NR3C1: variants seen among roughly 807,000 people sequenced by gnomAD.
NR3C1 encodes the protein nuclear receptor subfamily 3 group C member 1, also known as glucocorticoid receptor.
NR3C1 carries 14 observed loss-of-function variants against 74.0 expected under a neutral mutation model. That is an observed-to-expected ratio of 0.19 (90% CI 0.12 to 0.30). The LOEUF is 0.30. Ranked by LOEUF, NR3C1 falls within the 10% of genes least tolerant of loss-of-function variation. The pLI, the probability that NR3C1 is intolerant of heterozygous loss-of-function variation, is 1.00. For synonymous variants in NR3C1, 308 were observed against 332.5 expected (o/e 0.93, Z 0.80); for missense variants, 695 against 909.8 (o/e 0.76, Z 3.04).
At chr5:143,411,568 G>A (rs4912908) in intron 1 of NR3C1, among the ~76,000 whole-genome samples, 124,303 of 152,142 alleles carry the variant, frequency 0.82, 50,906 homozygotes, top group African/African-American at 0.88. Context: ...TTTGCCAAAC[G>A]TGTTTGAATT....
chr5:143,403,140 A>C (rs1840666786), intron 1 of NR3C1, 71 bp downstream of exon 1: 14 of 964,894 alleles, frequency 1.5e-5, no homozygotes, highest in South Asian at 1.4e-4. Context: ...GCGGCCCCCG[A>C]GTTGTCTCCG....
At chr5:143,404,284 G>T, upstream of NR3C1, 3 of 985,592 alleles carry the variant, frequency 3.0e-6, no homozygotes, top group Non-Finnish European at 3.6e-6. Flanking sequence ...GTGCCGCAGC[G>T]TCTCGGCCGC....
chr5:143,413,133 C>T lies in NR3C1; in HGVS notation c.-13-12281G>A, dbSNP rs1309538050. ...TCTCTGGAGGAAATGGAGACAGATA[C>T]GGTTACAAGTCATTATAGAACAATG... On this transcript the variant is annotated intron_variant, in intron 1 of 8. Transcript: ENST00000343796. Among the ~76,000 whole-genome samples the T allele has an allele frequency of 4.6e-5, 7 of 152,100 alleles. No individual in the cohort carries two copies. In the South Asian group the frequency reaches 8.3e-4, roughly 18 times the overall value.
intron 2 of NR3C1, among the ~76,000 whole-genome samples, chr5:143,374,230 C>T (rs1245519376): frequency 2.0e-5 from 3 of 152,122 alleles, no homozygotes; most frequent in Middle Eastern, 3.2e-3. Context: ...TGGTGGCTCA[C>T]GCCTGTAATC....
chr5:143,295,299 C>T (rs752979538), intron 7 of NR3C1, 161 bp downstream of exon 7: 31 of 985,126 alleles, frequency 3.1e-5, no homozygotes, highest in Non-Finnish European at 3.7e-5. Flanking sequence ...GTGTCACTTA[C>T]TGTGCCTTTC....
In NR3C1 at chr5:143,402,914, G is replaced by C. The variant is rs1030025700; in HGVS notation, c.-14+297C>G. On this transcript the variant is annotated intron_variant, in intron 1 of 8. Coordinates refer to ENST00000394464, the MANE Select transcript of NR3C1 (RefSeq NM_000176.3). ...GAAAAGAGGCCAGGATTCCCGCGAG[G>C]AATGAGAGGCTCGAAGCCCCCGGCA... 3.3e-4 allele frequency: 298 copies of C among 894,806 alleles called. 2 individuals carry two copies. The highest frequency in any genetic ancestry group is 2.2e-3 in the Middle Eastern group (4 of 1,782). The allele number at this position is 894,806 out of a possible 1,614,324, so 55.4% of individuals were successfully genotyped here.
At chr5:143,403,889 TCCCC>T, upstream of NR3C1, 1 of 977,616 alleles carries the variant, frequency 1.0e-6, no homozygotes, top group Non-Finnish European at 1.2e-6. Flanking sequence ...CACGCCCGCG[TCCCC>T]TGGCGTGGCC....
chr5:143,365,460 A>G (rs1412807531), intron 2 of NR3C1, among the ~76,000 whole-genome samples: 2 of 152,246 alleles, frequency 1.3e-5, no homozygotes, highest in African/African-American at 4.8e-5. Context: ...GAATCAATCT[A>G]TCAAGAAGAT....
chr5:143,365,360 A>G (rs1285903324), intron 2 of NR3C1, among the ~76,000 whole-genome samples: 2 of 152,208 alleles, frequency 1.3e-5, no homozygotes, highest in African/African-American at 2.4e-5. Context: ...TGCAAACAGT[A>G]AACAAAAGAA....
intron 2 of NR3C1, among the ~76,000 whole-genome samples, chr5:143,326,767 C>G (rs1265272981): frequency 2.0e-5 from 3 of 152,066 alleles, no homozygotes; most frequent in Admixed American, 2.0e-4. Context: ...GTAAAATGAA[C>G]TTAATATTAT....
chr5:143,349,377 C>G (rs1192635027), intron 2 of NR3C1, among the ~76,000 whole-genome samples: 1 of 152,112 alleles, frequency 6.6e-6, no homozygotes, highest in Non-Finnish European at 1.5e-5. Flanking sequence ...ATGAGTGGAA[C>G]AGGCTCATAT....
chr5:143,295,019 G>A, intron 7 of NR3C1: 1 of 985,346 alleles, frequency 1.0e-6, no homozygotes, highest in East Asian at 1.1e-4. Flanking sequence ...ATCCCCAATA[G>A]TAATTAAGCA....
intron 2 of NR3C1, among the ~76,000 whole-genome samples, chr5:143,339,884 C>T (rs969177991): frequency 3.3e-5 from 5 of 152,162 alleles, no homozygotes; most frequent in African/African-American, 1.2e-4. Flanking sequence ...ATTAACAGAA[C>T]TTCATGGACC....
chr5:143,346,441 T>C (rs903890825), intron 2 of NR3C1, among the ~76,000 whole-genome samples: 1 of 152,234 alleles, frequency 6.6e-6, no homozygotes, highest in Admixed American at 6.5e-5. Context: ...TTTAACAAAG[T>C]CAGTATCAGT....
At chr5:143,404,042 C>T (rs562481368), upstream of NR3C1, 13 of 985,582 alleles carry the variant, frequency 1.3e-5, no homozygotes, top group East Asian at 1.3e-3. Flanking sequence ...TTTCTTTTCT[C>T]GCTACCTCCT....
At chr5:143,332,120 A>C (rs1480590045) in intron 2 of NR3C1, among the ~76,000 whole-genome samples, 1 of 152,206 alleles carries the variant, frequency 6.6e-6, no homozygotes, top group Non-Finnish European at 1.5e-5. Context: ...TTTGTAGCAT[A>C]AATAGCTGAC....
chr5:143,387,343 A>C (rs1330182028), intron 2 of NR3C1, among the ~76,000 whole-genome samples: 1 of 152,168 alleles, frequency 6.6e-6, no homozygotes. Context: ...AGATTTCCCT[A>C]ATTTATCTGG....
At position 143,279,323 on chromosome 5, in the gene NR3C1, T is replaced by G; in HGVS notation, c.*2566A>C. The G allele has an allele frequency of 6.5e-7, 1 of 1,538,828 alleles. No individual in the cohort carries two copies. Among genetic ancestry groups the G allele is most frequent in the African/African-American group, 1.4e-5 (1 of 72,378 alleles). On this transcript the variant is annotated 3_prime_UTR_variant, in exon 9 of 9. Transcript: ENST00000394464. ...GTGCACATAATCTTCTTTTTCTCAT[T>G]GAGTTCTATTTTTTGAGCGCCAAGA... is the stretch of plus-strand genomic sequence containing the variant.
At chr5:143,422,572 C>T (rs1237456926) in intron 1 of NR3C1, among the ~76,000 whole-genome samples, 1 of 152,050 alleles carries the variant, frequency 6.6e-6, no homozygotes, top group Non-Finnish European at 1.5e-5. Context: ...GATTAGTGCC[C>T]ATATAAAAGA....
Sources: allele counts gnomAD v4.1 joint callset (sites outside exome capture counted in the v4.1 genomes callset), GRCh38; gene constraint gnomAD v4.1.1; transcripts MANE v1.5; gene names NCBI Gene and HGNC (gene_info 2026-07-23, HGNC 2026-07-21).